Variants in MAMLD1 observed in about 807,000 individuals in gnomAD.
MAMLD1 encodes mastermind-like domain-containing protein 1.
In MAMLD1, 14 loss-of-function variants were observed where a neutral mutation model predicts 45.0. The ratio of observed to expected loss-of-function variants is 0.31; its 90% CI spans 0.21 to 0.49. MAMLD1 has a LOEUF of 0.49. Among genes scored for constraint, MAMLD1 ranks in the 20% least tolerant of loss-of-function variants. The pLI is 0.99. For missense variants in MAMLD1, 543 were observed against 603.6 expected, an observed-to-expected ratio of 0.90 and a Z score of 1.05; for synonymous variants, 254 against 247.8, an observed-to-expected ratio of 1.02 and a Z score of -0.24.
intron 5 of MAMLD1, among the ~76,000 whole-genome samples, chrX:150,478,345 T>C (rs782417778): frequency 7.6e-4 from 85 of 111,777 alleles, no homozygotes; most frequent in African/African-American, 2.7e-3. Context: ...AAGTAATTAT[T>C]ATATTACTAA....
rs954258346 is a variant in MAMLD1, at chrX:150,398,292, A to G, written c.-64+34762A>G. 1.5e-4 allele frequency among the ~76,000 whole-genome samples: 13 copies of G among 87,847 alleles called. No individual in the cohort carries two copies. The East Asian group carries it at 2.5e-3, about 17-fold the overall frequency. 76.3% of individuals were successfully genotyped at this position (87,847 alleles called of 115,157 possible). A position where few individuals can be genotyped will look rare whatever the true frequency, so the allele number is the denominator to read the frequency against. On this transcript the variant is annotated intron_variant, in intron 1 of 7. Transcript: ENST00000370401. ...AAGAAGAAGAAGAAGAAGAAGAAGA[A>G]GAAGAAGAAGAAGAAGAAGAAGAAG... is the stretch of plus-strand genomic sequence containing the variant.
intron 1 of MAMLD1, among the ~76,000 whole-genome samples, chrX:150,430,466 T>C (rs2034897505): frequency 1.8e-5 from 2 of 111,920 alleles, no homozygotes; most frequent in African/African-American, 6.5e-5. Context: ...GCGAAAGATT[T>C]TATTTTTGAT....
chrX:150,495,067 A>G (rs916744747), intron 5 of MAMLD1, among the ~76,000 whole-genome samples: 4 of 111,647 alleles, frequency 3.6e-5, no homozygotes, highest in Admixed American at 9.5e-5. Context: ...TTAGCCAGGC[A>G]TGGTGGCATG....
In MAMLD1 at chrX:150,477,526, C is replaced by T. The variant is rs191602000; in HGVS notation, c.2040+3724C>T. ...TAGGGGCGTTAAGGAAGACTTTTGC[C>T]AGGTGGCTGAGGAGCAGCCAAGGCA... On this transcript the variant is annotated intron_variant, in intron 5 of 7. Transcript: ENST00000370401. 4.5e-5 allele frequency among the ~76,000 whole-genome samples: 5 copies of T among 111,707 alleles called. No homozygotes were observed. In the East Asian group the frequency reaches 1.4e-3, roughly 32 times the overall value.
intron 2 of MAMLD1, among the ~76,000 whole-genome samples, chrX:150,458,074 C>T (rs2035926401): frequency 9.0e-6 from 1 of 111,401 alleles, no homozygotes; most frequent in South Asian, 3.8e-4. Flanking sequence ...GCTCACCAGC[C>T]TGGCTCTAAA....
intron 1 of MAMLD1, among the ~76,000 whole-genome samples, chrX:150,403,021 T>C (rs894115639): frequency 9.1e-6 from 1 of 109,972 alleles, no homozygotes; most frequent in Non-Finnish European, 1.9e-5. Flanking sequence ...TGTATACATA[T>C]GTAACTAACC....
intron 2 of MAMLD1, among the ~76,000 whole-genome samples, chrX:150,447,486 C>T (rs35843760): frequency 0.08 from 8,965 of 111,904 alleles, 403 homozygotes; most frequent in Middle Eastern, 0.13. Flanking sequence ...AGAGAGCCCA[C>T]TCCTTTGGCT....
intron 5 of MAMLD1, among the ~76,000 whole-genome samples, chrX:150,485,523 A>G (rs782392751): frequency 6.3e-5 from 7 of 111,683 alleles, no homozygotes; most frequent in African/African-American, 9.8e-5. Flanking sequence ...AATTGCTTTT[A>G]TGAGCTAGCA....
At chrX:150,362,555 G>A (rs1439333422), upstream of MAMLD1, among the ~76,000 whole-genome samples, 2 of 109,480 alleles carry the variant, frequency 1.8e-5, no homozygotes, top group Admixed American at 9.6e-5. Context: ...TCTGTGTCTC[G>A]TACGGTCTCC....
At chrX:150,448,658 C>T (rs1557404906) in intron 2 of MAMLD1, among the ~76,000 whole-genome samples, 1 of 112,415 alleles carries the variant, frequency 8.9e-6, no homozygotes, top group Non-Finnish European at 1.9e-5. Context: ...CATCCAGTCT[C>T]TGCACTTAGT....
chrX:150,497,204 T>G (rs1290188900), intron 5 of MAMLD1, among the ~76,000 whole-genome samples: 2 of 111,639 alleles, frequency 1.8e-5, no homozygotes, highest in Non-Finnish European at 3.8e-5. Context: ...ACAGAACAGA[T>G]CCACCAAATG....
intron 5 of MAMLD1, among the ~76,000 whole-genome samples, chrX:150,481,096 T>C (rs2036738506): frequency 8.8e-6 from 1 of 113,032 alleles, no homozygotes; most frequent in Non-Finnish European, 1.9e-5. Flanking sequence ...GAAGGTGGAC[T>C]ACTCATTTGC....
chrX:150,388,496 G>A (rs1473722142), intron 1 of MAMLD1, among the ~76,000 whole-genome samples: 1 of 112,003 alleles, frequency 8.9e-6, no homozygotes, highest in African/African-American at 3.2e-5. Context: ...GATTTTTGGA[G>A]GGAGTTTTAC....
chrX:150,455,359 C>T (rs1217522532), intron 2 of MAMLD1, among the ~76,000 whole-genome samples: 2 of 112,011 alleles, frequency 1.8e-5, no homozygotes, highest in African/African-American at 6.5e-5. Flanking sequence ...GCCTTTCACA[C>T]AGCTGTTCAG....
chrX:150,483,568 G>A (rs1557407444), intron 5 of MAMLD1, among the ~76,000 whole-genome samples: 1 of 112,420 alleles, frequency 8.9e-6, no homozygotes, highest in Non-Finnish European at 1.9e-5. Context: ...TCTTGCACTG[G>A]GCAGAAAGGA....
intron 1 of MAMLD1, among the ~76,000 whole-genome samples, chrX:150,421,432 G>C (rs2034511222): frequency 1.8e-5 from 2 of 112,702 alleles, no homozygotes; most frequent in South Asian, 3.7e-4. Context: ...GACCGGAGCT[G>C]TTCCTATTCA....
intron 5 of MAMLD1, among the ~76,000 whole-genome samples, chrX:150,485,434 C>T (rs782618042): frequency 9.0e-6 from 1 of 111,580 alleles, no homozygotes; most frequent in East Asian, 2.8e-4. Flanking sequence ...CAGTTATTAC[C>T]TTTGAAACCA....
At chrX:150,372,242 G>A (rs1413897980) in intron 1 of MAMLD1, among the ~76,000 whole-genome samples, 2 of 112,359 alleles carry the variant, frequency 1.8e-5, no homozygotes, top group African/African-American at 6.5e-5. Context: ...AATGGAGATT[G>A]TAAATTAAGA....
At chrX:150,478,941 A>G (rs913322192) in intron 5 of MAMLD1, among the ~76,000 whole-genome samples, 16 of 112,340 alleles carry the variant, frequency 1.4e-4, no homozygotes, top group African/African-American at 4.9e-4. Context: ...TCGGGGACCG[A>G]TATCTCAGTG....
Sources: allele counts gnomAD v4.1 joint callset (sites outside exome capture counted in the v4.1 genomes callset), GRCh38; gene constraint gnomAD v4.1.1; transcripts MANE v1.5; gene names NCBI Gene and HGNC (gene_info 2026-07-23, HGNC 2026-07-21).